MAGI1: variants seen among roughly 807,000 people sequenced by gnomAD.
MAGI1 encodes membrane-associated guanylate kinase, WW and PDZ domain-containing protein 1.
In MAGI1, 58 loss-of-function variants were observed where a neutral mutation model predicts 139.9. The observed-to-expected ratio is 0.41, with a 90% CI of 0.34 to 0.52. The LOEUF (loss-of-function observed/expected upper bound fraction) is 0.52. MAGI1 is among the 20% of genes least tolerant of loss of function. The pLI is 0.12. For synonymous variants in MAGI1, 812 were observed against 737.9 expected (o/e 1.10, Z -1.63); for missense variants, 1,874 against 1,901.6 (o/e 0.99, Z 0.27).
intron 14 of MAGI1, among the ~76,000 whole-genome samples, chr3:65,386,902 G>T (rs1943486435): frequency 6.6e-6 from 1 of 152,176 alleles, no homozygotes; most frequent in Admixed American, 6.5e-5. Flanking sequence ...AAACTGCCTG[G>T]TGTCTCCATT....
Position 65,909,690 on chromosome 3 carries a change from T to C in MAGI1, c.313+128306A>G, listed in dbSNP as rs549410287. Among the ~76,000 whole-genome samples, 7 of 152,270 alleles carry C rather than the reference T, an allele frequency of 4.6e-5. No homozygotes were observed. The South Asian group carries it at 1.5e-3, about 32-fold the overall frequency. On this transcript the variant is annotated intron_variant, in intron 1 of 22. Transcript: ENST00000402939. ...CAGACTGAGTGACAGAGTGAGACCCTGTATCCCCAAAAATTAAAAAAATGT... is the reference window on the plus strand; with the variant it reads ...CAGACTGAGTGACAGAGTGAGACCCCGTATCCCCAAAAATTAAAAAAATGT...
At chr3:65,592,439 G>C (rs1168170779) in intron 2 of MAGI1, among the ~76,000 whole-genome samples, 7 of 152,036 alleles carry the variant, frequency 4.6e-5, no homozygotes, top group Non-Finnish European at 8.8e-5. Context: ...TCAGGGCAAG[G>C]GTTAAACATA....
At chr3:65,802,854 G>GTA (rs2108140933) in intron 1 of MAGI1, among the ~76,000 whole-genome samples, 1 of 143,868 alleles carries the variant, frequency 7.0e-6, no homozygotes, top group African/African-American at 2.8e-5. Flanking sequence ...TCATCTGTGT[G>GTA]TGTGTGTGTG....
chr3:65,856,163 A>G (rs1183640739), intron 1 of MAGI1, among the ~76,000 whole-genome samples: 1 of 152,202 alleles, frequency 6.6e-6, no homozygotes, highest in Non-Finnish European at 1.5e-5. Flanking sequence ...CGATTTAAAT[A>G]GTCACATATG....
intron 1 of MAGI1, among the ~76,000 whole-genome samples, chr3:65,992,725 G>A (rs751264814): frequency 6.6e-5 from 10 of 152,124 alleles, no homozygotes; most frequent in Admixed American, 1.3e-4. Flanking sequence ...TACCACCAAC[G>A]CCTTCCAGAT....
Position 65,958,759 on chromosome 3 carries a change from G to A in MAGI1, c.313+79237C>T, listed in dbSNP as rs565965338. ...CCCAGCACTTTGGGAGGTCAAAGCA[G>A]GAGGATCACTTGAGGCCAAGAGTTC... On this transcript the variant is annotated intron_variant, in intron 1 of 22. Transcript: ENST00000402939. Among the ~76,000 whole-genome samples, 9 of 152,298 alleles carry A rather than the reference G, an allele frequency of 5.9e-5. No homozygotes were observed. In the South Asian group the frequency reaches 1.7e-3, roughly 28 times the overall value.
intron 2 of MAGI1, among the ~76,000 whole-genome samples, chr3:65,604,251 T>G (rs960501758): frequency 1.3e-5 from 2 of 151,874 alleles, no homozygotes; most frequent in Non-Finnish European, 2.9e-5. Flanking sequence ...AAGAAGACAC[T>G]AATAAAAATG....
chr3:66,036,026 A>T (rs1325065297), intron 1 of MAGI1, among the ~76,000 whole-genome samples: 1 of 152,164 alleles, frequency 6.6e-6, no homozygotes, highest in African/African-American at 2.4e-5. Flanking sequence ...CTAGTTGGGC[A>T]GGTACCCTTG....
intron 1 of MAGI1, among the ~76,000 whole-genome samples, chr3:65,639,560 G>T (rs1336930308): frequency 1.3e-5 from 2 of 152,034 alleles, no homozygotes; most frequent in Non-Finnish European, 2.9e-5. Context: ...CAGAATTCTG[G>T]GTGTTTCTGT....
At chr3:65,964,545 A>C (rs1294058810) in intron 1 of MAGI1, among the ~76,000 whole-genome samples, 2 of 152,174 alleles carry the variant, frequency 1.3e-5, no homozygotes, top group Non-Finnish European at 2.9e-5. Flanking sequence ...GGGGGGAACC[A>C]CCATCTCTTT....
At chr3:65,743,591 C>T (rs2035451502) in intron 1 of MAGI1, among the ~76,000 whole-genome samples, 1 of 151,998 alleles carries the variant, frequency 6.6e-6, no homozygotes, top group South Asian at 2.1e-4. Flanking sequence ...GGCCTGTAAT[C>T]CCAGCTTACT....
intron 1 of MAGI1, among the ~76,000 whole-genome samples, chr3:65,830,451 C>T (rs368141331): frequency 5.6e-4 from 86 of 152,290 alleles, no homozygotes; most frequent in Middle Eastern, 3.4e-3. Context: ...GGTTCAACCA[C>T]GGCTCCAGTA....
At chr3:66,027,153 A>C (rs865992919) in intron 1 of MAGI1, among the ~76,000 whole-genome samples, 5 of 151,868 alleles carry the variant, frequency 3.3e-5, no homozygotes, top group Non-Finnish European at 5.9e-5. Flanking sequence ...CTGTAGTCTC[A>C]GCTACTCGAG....
intron 2 of MAGI1, among the ~76,000 whole-genome samples, chr3:65,611,658 T>C (rs1304214419): frequency 6.8e-6 from 1 of 147,558 alleles, no homozygotes; most frequent in African/African-American, 2.5e-5. Flanking sequence ...ATATATACTA[T>C]ACTATTATAG....
intron 1 of MAGI1, among the ~76,000 whole-genome samples, chr3:65,715,139 GA>G (rs2032067299): frequency 6.6e-6 from 1 of 152,102 alleles, no homozygotes; most frequent in Non-Finnish European, 1.5e-5. Flanking sequence ...TACCTAGGAA[GA>G]AAAACGACCT....
In MAGI1 at chr3:65,356,591, G is replaced by C. The variant is rs200685812; in HGVS notation, c.4176C>G (p.Pro1392=). The change falls in exon 23 of 23, where the codon CCC becomes CCG. Residue 1392 remains proline, a synonymous_variant. Coordinates refer to ENST00000402939, the MANE Select transcript of MAGI1 (RefSeq NM_001033057.2). ...GGTCGGTGGACTTGGCCCTGCGCTCGGGCGAGCCCCCTCTCCTGCGCTCGG... is the reference window on the plus strand; with the variant it reads ...GGTCGGTGGACTTGGCCCTGCGCTCCGGCGAGCCCCCTCTCCTGCGCTCGG... ...RSPERRRGGS[P]ERRAKSTDRR... 3 of 1,596,188 alleles carry C rather than the reference G, an allele frequency of 1.9e-6. No individual in the cohort carries two copies. The highest frequency in any genetic ancestry group is 2.2e-5 in the East Asian group (1 of 44,736).
intron 1 of MAGI1, among the ~76,000 whole-genome samples, chr3:65,728,163 G>A (rs1415365195): frequency 1.3e-5 from 2 of 152,164 alleles, no homozygotes; most frequent in Non-Finnish European, 2.9e-5. Flanking sequence ...ACTGTGTCTG[G>A]GACCATGAGA....
intron 3 of MAGI1, among the ~76,000 whole-genome samples, chr3:65,482,673 C>T (rs184326828): frequency 4.6e-5 from 7 of 152,352 alleles, no homozygotes; most frequent in Admixed American, 1.3e-4. Context: ...ATTTCCCGTA[C>T]TGAAACCTAC....
intron 1 of MAGI1, among the ~76,000 whole-genome samples, chr3:65,705,014 C>A (rs771983636): frequency 2.7e-4 from 41 of 151,936 alleles, no homozygotes; most frequent in Middle Eastern, 3.2e-3. Context: ...TTTCTAGAGA[C>A]CTTTGCTGAG....
Sources: gnomAD v4.1 joint callset for allele counts (sites outside exome capture counted in the v4.1 genomes callset) on GRCh38, gnomAD v4.1.1 for gene constraint, MANE v1.5 for transcripts, NCBI Gene and HGNC (gene_info 2026-07-23, HGNC 2026-07-21) for gene names.